Variants in WWC1 observed in about 807,000 individuals in gnomAD.
The protein encoded by WWC1 is WW and C2 domain containing 1, also known as protein KIBRA.
Under a neutral mutation model 138.4 loss-of-function variants are expected in WWC1, and 55 were observed. That is an observed-to-expected ratio of 0.40 (90% CI 0.32 to 0.50). The LOEUF (loss-of-function observed/expected upper bound fraction) is 0.50. Among genes scored for constraint, WWC1 ranks in the 20% least tolerant of loss-of-function variants. The pLI is 0.72. For missense variants in WWC1, 1,226 were observed against 1,420.4 expected, an observed-to-expected ratio of 0.86 and a Z score of 2.20; for synonymous variants, 524 against 564.9, an observed-to-expected ratio of 0.93 and a Z score of 1.03.
At position 168,469,922 on chromosome 5, in the gene WWC1, A is replaced by ACTG. The variant is rs1242154317; in HGVS notation, c.*908_*910dup. 1 of 152,092 alleles carries ACTG rather than the reference A, an allele frequency of 6.6e-6. No homozygotes were observed. Among genetic ancestry groups the ACTG allele is most frequent in the Non-Finnish European group, 1.5e-5 (1 of 68,008 alleles). 9.4% of individuals were successfully genotyped at this position (152,092 alleles called of 1,614,324 possible). ...TTCATTTGCTCATTAAATTAAAATGACTGCTCGGCTCATTGGGAATCCACA... is the reference window on the plus strand; with the variant it reads ...TTCATTTGCTCATTAAATTAAAATGACTGCTGCTCGGCTCATTGGGAATCCACA... On this transcript the variant is annotated 3_prime_UTR_variant, in exon 23 of 23. Coordinates refer to ENST00000265293, the MANE Select transcript of WWC1 (RefSeq NM_015238.3).
chr5:168,346,648 G>A (rs1665672894), intron 1 of WWC1, among the ~76,000 whole-genome samples: 1 of 152,226 alleles, frequency 6.6e-6, no homozygotes, highest in African/African-American at 2.4e-5. Flanking sequence ...GTGAGCCATT[G>A]TTGAGAAACC....
intron 17 of WWC1, among the ~76,000 whole-genome samples, chr5:168,446,864 A>G (rs569884453): frequency 6.6e-6 from 1 of 152,306 alleles, no homozygotes; most frequent in Admixed American, 6.5e-5. Context: ...AACAGGGTAA[A>G]TCCCATGTAG....
At chr5:168,446,645 C>T (rs991095086) in intron 17 of WWC1, among the ~76,000 whole-genome samples, 18 of 152,206 alleles carry the variant, frequency 1.2e-4, no homozygotes, top group African/African-American at 3.9e-4. Flanking sequence ...AAGCCCACAC[C>T]TTGTGTCACT....
intron 7 of WWC1, among the ~76,000 whole-genome samples, chr5:168,408,972 T>G (rs1780021827): frequency 6.6e-6 from 1 of 152,200 alleles, no homozygotes; most frequent in African/African-American, 2.4e-5. Flanking sequence ...CTGGTTTTTT[T>G]TTTCCATACT....
chr5:168,319,865 C>T (rs1771913803), intron 1 of WWC1, among the ~76,000 whole-genome samples: 1 of 152,158 alleles, frequency 6.6e-6, no homozygotes, highest in South Asian at 2.1e-4. Context: ...TACATTCCCA[C>T]TAGCAGTGCA....
At chr5:168,345,552 C>G (rs1370135274) in intron 1 of WWC1, among the ~76,000 whole-genome samples, 1 of 152,184 alleles carries the variant, frequency 6.6e-6, no homozygotes, top group South Asian at 2.1e-4. Flanking sequence ...AATCCTGCCT[C>G]TTTTAGAATA....
At chr5:168,339,371 G>T (rs566196443) in intron 1 of WWC1, among the ~76,000 whole-genome samples, 3 of 152,292 alleles carry the variant, frequency 2.0e-5, no homozygotes, top group African/African-American at 7.2e-5. Context: ...GCCAGTGGAG[G>T]CGCTGTTGGG....
chr5:168,299,734 C>T (rs558244717), intron 1 of WWC1, among the ~76,000 whole-genome samples: 9 of 152,306 alleles, frequency 5.9e-5, no homozygotes, highest in African/African-American at 2.2e-4. Context: ...TTCAGGTGCA[C>T]GTAAGGAGAA....
chr5:168,459,274 AG>A lies in WWC1; in HGVS notation c.2824-1375del, dbSNP rs368265964. Among the ~76,000 whole-genome samples the A allele has an allele frequency of 1.6e-4, 23 of 146,068 alleles. 1 individual carries two copies. The highest frequency in any genetic ancestry group is 2.8e-4 in the African/African-American group (11 of 39,278). ...TGTCTCAAAAAAAAAAAAAAAAAAA[AG>A]AAAGAAAGAAAGAGAAAGCCCCCTT... On this transcript the variant is annotated intron_variant, in intron 19 of 22. Transcript: ENST00000265293.
At chr5:168,422,999 A>C (rs886145239) in intron 10 of WWC1, among the ~76,000 whole-genome samples, 1 of 151,744 alleles carries the variant, frequency 6.6e-6, no homozygotes, top group Non-Finnish European at 1.5e-5. Flanking sequence ...ACAAAAAATT[A>C]ACCGGGCGTG....
intron 19 of WWC1, among the ~76,000 whole-genome samples, chr5:168,458,258 T>G (rs1304930432): frequency 6.6e-6 from 1 of 152,142 alleles, no homozygotes; most frequent in African/African-American, 2.4e-5. Context: ...AAGCTAAGAC[T>G]CAAAAACTCA....
At chr5:168,304,745 A>C (rs1770396846) in intron 1 of WWC1, among the ~76,000 whole-genome samples, 1 of 152,182 alleles carries the variant, frequency 6.6e-6, no homozygotes, top group Admixed American at 6.5e-5. Context: ...TAGTGGTTGA[A>C]TGGCAGACGC....
intron 2 of WWC1, among the ~76,000 whole-genome samples, chr5:168,383,532 C>T (rs1056020152): frequency 2.6e-5 from 4 of 152,166 alleles, no homozygotes; most frequent in African/African-American, 9.7e-5. Context: ...GGCATAAACT[C>T]CAGTGTTCCC....
At chr5:168,451,191 G>C (rs1185089431) in intron 17 of WWC1, among the ~76,000 whole-genome samples, 4 of 151,982 alleles carry the variant, frequency 2.6e-5, no homozygotes, top group African/African-American at 9.7e-5. Flanking sequence ...GCTAATTTTT[G>C]TATTTTTAGT....
At chr5:168,442,900 G>A (rs1341413934) in intron 16 of WWC1, among the ~76,000 whole-genome samples, 1 of 151,718 alleles carries the variant, frequency 6.6e-6, no homozygotes, top group African/African-American at 2.4e-5. Context: ...GAAAAAATAT[G>A]TTCTGTTTTC....
chr5:168,332,962 G>C (rs2152768536), intron 1 of WWC1, among the ~76,000 whole-genome samples: 1 of 152,274 alleles, frequency 6.6e-6, no homozygotes, highest in Non-Finnish European at 1.5e-5. Flanking sequence ...ACCCTCCTCA[G>C]CCTCCCAAAG....
chr5:168,462,064 A>G (rs1168857852), intron 20 of WWC1, among the ~76,000 whole-genome samples: 1 of 133,076 alleles, frequency 7.5e-6, no homozygotes, highest in Non-Finnish European at 1.8e-5. Flanking sequence ...TCAAAAAAAA[A>G]AAAGAAAGAA....
chr5:168,294,627 A>G (rs1254708981), intron 1 of WWC1, among the ~76,000 whole-genome samples: 1 of 151,424 alleles, frequency 6.6e-6, no homozygotes, highest in East Asian at 1.9e-4. Context: ...TTTTTTGTTT[A>G]TTTGTTTTTG....
intron 21 of WWC1, 100 bp downstream of exon 21, chr5:168,465,062 A>G (rs1376287798): frequency 6.8e-7 from 1 of 1,467,032 alleles, no homozygotes; most frequent in South Asian, 1.4e-5. Context: ...GATGCATCCT[A>G]CAATTCCCAC....
Sources: allele counts gnomAD v4.1 joint callset (sites outside exome capture counted in the v4.1 genomes callset), GRCh38; gene constraint gnomAD v4.1.1; transcripts MANE v1.5; gene names NCBI Gene and HGNC (gene_info 2026-07-23, HGNC 2026-07-21).